Variants in PDE4D observed in about 807,000 individuals in gnomAD.
PDE4D encodes phosphodiesterase 4D.
PDE4D carries 24 observed loss-of-function variants against 87.4 expected under a neutral mutation model. The observed-to-expected ratio is 0.27, with a 90% confidence interval of 0.20 to 0.39. PDE4D has a LOEUF of 0.39. PDE4D is among the 10% of genes least tolerant of loss of function. The pLI, the probability that PDE4D is intolerant of heterozygous loss-of-function variation, is 1.00. For missense variants in PDE4D, 714 were observed against 1,041.0 expected (o/e 0.69, Z 4.32); for synonymous variants, 384 against 383.2 (o/e 1.00, Z -0.02).
intron 1 of PDE4D, among the ~76,000 whole-genome samples, chr5:59,483,221 T>A (rs1327025421): frequency 6.6e-6 from 1 of 152,204 alleles, no homozygotes; most frequent in Non-Finnish European, 1.5e-5. Context: ...TGGCTGCAGA[T>A]CTTGGAACTT....
intron 1 of PDE4D, among the ~76,000 whole-genome samples, chr5:59,369,724 C>T (rs536011488): frequency 2.8e-4 from 43 of 152,222 alleles, no homozygotes; most frequent in Non-Finnish European, 5.6e-4. Flanking sequence ...TAAACGGTCT[C>T]AGCAGGCTCC....
chr5:59,696,545 C>T (rs1294080268), intron 1 of PDE4D, among the ~76,000 whole-genome samples: 1 of 152,024 alleles, frequency 6.6e-6, no homozygotes, highest in Non-Finnish European at 1.5e-5. Flanking sequence ...AATGCATTTG[C>T]AATGGTAAAT....
chr5:60,464,071 T>C (rs1747163955), intron 1 of PDE4D, among the ~76,000 whole-genome samples: 1 of 152,158 alleles, frequency 6.6e-6, no homozygotes, highest in African/African-American at 2.4e-5. Flanking sequence ...CAATGATCTG[T>C]GGGCTTTTTG....
intron 1 of PDE4D, among the ~76,000 whole-genome samples, chr5:60,255,134 T>C (rs763010368): frequency 2.6e-5 from 4 of 151,898 alleles, no homozygotes; most frequent in African/African-American, 7.2e-5. Context: ...AAAATGACTA[T>C]CATTGTTCAA....
At chr5:59,178,483 C>G (rs1784239071) in intron 5 of PDE4D, among the ~76,000 whole-genome samples, 1 of 152,140 alleles carries the variant, frequency 6.6e-6, no homozygotes, top group East Asian at 1.9e-4. Context: ...GGTATTGCTC[C>G]AGGACCCCCT....
rs866121556 is a variant in PDE4D, at chr5:60,049,245, G to A, written c.43-60528C>T. 7.4e-4 allele frequency among the ~76,000 whole-genome samples: 113 copies of A among 152,128 alleles called. 1 individual carries two copies. The highest frequency in any genetic ancestry group is 6.8e-3 in the Middle Eastern group (2 of 294). ...CTCCTTTAAGCACTTCTCTGTATTG[G>A]TTATTCTAGTTATACATTCTTCTCA... On this transcript the variant is annotated intron_variant, in intron 2 of 16. Coordinates refer to the PDE4D transcript ENST00000502484.
chr5:59,110,858 C>G (rs1228267918), intron 5 of PDE4D, among the ~76,000 whole-genome samples: 1 of 152,060 alleles, frequency 6.6e-6, no homozygotes, highest in Non-Finnish European at 1.5e-5. Context: ...GGCATCAGAG[C>G]TAGACCCAGT....
At chr5:59,536,224 G>T (rs1815198400) in intron 1 of PDE4D, among the ~76,000 whole-genome samples, 1 of 151,840 alleles carries the variant, frequency 6.6e-6, no homozygotes, top group Non-Finnish European at 1.5e-5. Context: ...TTAGCTTTTG[G>T]GCCAGGCATG....
At chr5:60,252,874 C>T (rs1017767265) in intron 1 of PDE4D, among the ~76,000 whole-genome samples, 1 of 151,748 alleles carries the variant, frequency 6.6e-6, no homozygotes, top group African/African-American at 2.4e-5. Flanking sequence ...GAGGGAAGAG[C>T]TATAGGAATA....
chr5:59,128,628 T>C (rs1043318714), intron 5 of PDE4D, among the ~76,000 whole-genome samples: 1 of 152,200 alleles, frequency 6.6e-6, no homozygotes, highest in Admixed American at 6.5e-5. Flanking sequence ...GATGATGGAA[T>C]GATACATGTC....
intron 1 of PDE4D, among the ~76,000 whole-genome samples, chr5:59,561,561 A>G (rs1484219504): frequency 1.3e-5 from 2 of 152,222 alleles, no homozygotes; most frequent in East Asian, 3.8e-4. Flanking sequence ...CAAAGTTTAA[A>G]GAAGAGGGTG....
intron 1 of PDE4D, among the ~76,000 whole-genome samples, chr5:59,629,735 C>T (rs911720590): frequency 3.3e-5 from 5 of 152,174 alleles, no homozygotes; most frequent in African/African-American, 4.8e-5. Context: ...GCAAATTGCG[C>T]ATGTCATTTA....
At chr5:60,431,338 G>C (rs1456377423) in intron 1 of PDE4D, among the ~76,000 whole-genome samples, 14 of 150,798 alleles carry the variant, frequency 9.3e-5, no homozygotes, top group Non-Finnish European at 1.5e-5. Context: ...CAGGCAGAGG[G>C]TCTCCTCACT....
rs567880838 is a variant in PDE4D, at chr5:59,216,076, G to T, written c.456-108C>A. ...AACTGACAGTGGAATTAGCAGGAAT[G>T]AAAATTACAGCTAATTTCTGCCATA... is the stretch of plus-strand genomic sequence containing the variant. On this transcript the variant is annotated intron_variant, in intron 1 of 14. Coordinates refer to ENST00000340635, the MANE Select transcript of PDE4D (RefSeq NM_001104631.2). The T allele has an allele frequency of 4.3e-5, 30 of 698,696 alleles. 1 individual carries two copies. In the South Asian group the frequency reaches 5.6e-4, roughly 13 times the overall value. 43.3% of individuals were successfully genotyped at this position (698,696 alleles called of 1,614,324 possible).
At chr5:60,181,527 C>T (rs980130469) in intron 2 of PDE4D, among the ~76,000 whole-genome samples, 8 of 152,134 alleles carry the variant, frequency 5.3e-5, no homozygotes, top group African/African-American at 1.7e-4. Context: ...CAAAAAAGAA[C>T]AAGGAACATC....
chr5:59,031,479 G>A (rs530639437), intron 6 of PDE4D, among the ~76,000 whole-genome samples: 1 of 146,122 alleles, frequency 6.8e-6, no homozygotes, highest in Admixed American at 6.9e-5. Flanking sequence ...AGGCCGAGGC[G>A]GGCCGATCAC....
intron 1 of PDE4D, among the ~76,000 whole-genome samples, chr5:60,291,189 T>C (rs879927196): frequency 5.9e-5 from 9 of 152,224 alleles, no homozygotes; most frequent in Non-Finnish European, 1.3e-4. Context: ...CTGATAATAT[T>C]GGTTCCAATC....
At chr5:59,412,291 C>T (rs1792823683) in intron 1 of PDE4D, among the ~76,000 whole-genome samples, 1 of 152,140 alleles carries the variant, frequency 6.6e-6, no homozygotes, top group Non-Finnish European at 1.5e-5. Context: ...CTTATAAAGG[C>T]TACTTCTGTT....
intron 2 of PDE4D, among the ~76,000 whole-genome samples, chr5:60,068,254 G>C (rs1056311804): frequency 1.3e-5 from 2 of 151,962 alleles, no homozygotes; most frequent in African/African-American, 4.8e-5. Context: ...TTTAACAGTA[G>C]CCATTCTACT....
Sources: gnomAD v4.1 joint callset for allele counts (sites outside exome capture counted in the v4.1 genomes callset) on GRCh38, gnomAD v4.1.1 for gene constraint, MANE v1.5 for transcripts, NCBI Gene and HGNC (gene_info 2026-07-23, HGNC 2026-07-21) for gene names.